ITSN1: variants seen among roughly 807,000 people sequenced by gnomAD.
ITSN1 encodes the protein intersectin-1.
A neutral mutation model predicts 239.8 loss-of-function variants in ITSN1; 58 were observed. The observed-to-expected ratio is 0.24, with a 90% CI of 0.20 to 0.30. The LOEUF is 0.30. ITSN1 is among the 10% of genes least tolerant of loss of function. The pLI, the probability that ITSN1 is intolerant of heterozygous loss-of-function variation, is 1.00. For missense variants in ITSN1, 1,558 were observed against 2,103.3 expected, an observed-to-expected ratio of 0.74 and a Z score of 5.07; for synonymous variants, 780 against 770.8, an observed-to-expected ratio of 1.01 and a Z score of -0.20.
intron 33 of ITSN1, among the ~76,000 whole-genome samples, chr21:33,871,077 G>A (rs1982621606): frequency 6.6e-6 from 1 of 151,906 alleles, no homozygotes; most frequent in African/African-American, 2.4e-5. Flanking sequence ...GTTGCAGTGA[G>A]CCAAGATCAC....
intron 25 of ITSN1, among the ~76,000 whole-genome samples, chr21:33,824,212 A>G (rs2073852487): frequency 6.6e-6 from 1 of 152,316 alleles, no homozygotes; most frequent in Middle Eastern, 3.4e-3. Flanking sequence ...TGTTATCCGT[A>G]TGAATTGGAA....
chr21:33,829,558 A>G (rs1569266842), intron 26 of ITSN1, 66 bp from the exon 27 acceptor site: 1 of 1,576,308 alleles, frequency 6.3e-7, no homozygotes. Context: ...AGGCGCCTGC[A>G]TCTTCTTGGC....
At chr21:33,823,742 G>A in intron 25 of ITSN1, 89 bp downstream of exon 25, 2 of 1,310,210 alleles carry the variant, frequency 1.5e-6, no homozygotes, top group Non-Finnish European at 2.1e-6. Context: ...AACTTTGTTG[G>A]GTTTTGCTAA....
chr21:33,780,856 T>C (rs1169101519), intron 14 of ITSN1, among the ~76,000 whole-genome samples: 1 of 152,242 alleles, frequency 6.6e-6, no homozygotes, highest in African/African-American at 2.4e-5. Context: ...CTGTGCAGTG[T>C]GGCTTAACTT....
chr21:33,715,579 C>A (rs1379517739), intron 1 of ITSN1, among the ~76,000 whole-genome samples: 1 of 152,060 alleles, frequency 6.6e-6, no homozygotes, highest in Non-Finnish European at 1.5e-5. Context: ...ATCAAGGTTG[C>A]CTATACAATA....
At chr21:33,769,532 T>C (rs2068963193) in intron 11 of ITSN1, among the ~76,000 whole-genome samples, 2 of 152,176 alleles carry the variant, frequency 1.3e-5, no homozygotes, top group South Asian at 4.1e-4. Context: ...TTCTGGAGGC[T>C]GGAAGTCCAA....
intron 5 of ITSN1, among the ~76,000 whole-genome samples, chr21:33,740,699 A>G (rs188463714): frequency 6.6e-6 from 1 of 152,312 alleles, no homozygotes; most frequent in East Asian, 1.9e-4. Flanking sequence ...AGATGTATTT[A>G]TTTAGAAAGT....
intron 1 of ITSN1, chr21:33,643,665 G>A (rs2087660184): frequency 6.6e-6 from 1 of 152,028 alleles, no homozygotes; most frequent in African/African-American, 2.4e-5. Context: ...GTTTCCTCTA[G>A]AACTTTGCCA....
chr21:33,717,516 G>A (rs568787091), intron 1 of ITSN1, among the ~76,000 whole-genome samples: 1 of 151,980 alleles, frequency 6.6e-6, no homozygotes, highest in East Asian at 1.9e-4. Context: ...TTTTAACTGT[G>A]CATTTACCCT....
chr21:33,779,082 T>C (rs1476502046), intron 14 of ITSN1, among the ~76,000 whole-genome samples: 1 of 151,934 alleles, frequency 6.6e-6, no homozygotes, highest in Non-Finnish European at 1.5e-5. Flanking sequence ...GTTTGTTTAT[T>C]TTTAAAAAAT....
chr21:33,802,629 G>T (rs562940193), intron 20 of ITSN1, among the ~76,000 whole-genome samples, 185 bp downstream of exon 20: 1 of 152,272 alleles, frequency 6.6e-6, no homozygotes, highest in African/African-American at 2.4e-5. Context: ...CTCAGTTTGT[G>T]TACTGGGTTT....
intron 1 of ITSN1, among the ~76,000 whole-genome samples, chr21:33,688,812 C>CT (rs1006949457): frequency 4.4e-4 from 63 of 142,364 alleles, no homozygotes; most frequent in East Asian, 1.0e-3. Flanking sequence ...TTTTTTTTTT[C>CT]TTTTTTTTTT....
At chr21:33,717,620 A>G (rs948858806) in intron 1 of ITSN1, among the ~76,000 whole-genome samples, 2 of 151,596 alleles carry the variant, frequency 1.3e-5, no homozygotes, top group Admixed American at 6.6e-5. Flanking sequence ...CAGGGGTGCA[A>G]TCTCGGCTCA....
chr21:33,843,761 A>G (rs1166870386), intron 29 of ITSN1, among the ~76,000 whole-genome samples: 1 of 152,152 alleles, frequency 6.6e-6, no homozygotes, highest in Non-Finnish European at 1.5e-5. Context: ...CACGGGTTCA[A>G]ATCCCAGCTC....
At chr21:33,769,486 G>A (rs1186661203) in intron 11 of ITSN1, among the ~76,000 whole-genome samples, 6 of 152,110 alleles carry the variant, frequency 3.9e-5, no homozygotes, top group East Asian at 1.9e-4. Flanking sequence ...AGCATAGACC[G>A]GGCAGCTTGA....
At chr21:33,679,245 T>C (rs2090783496) in intron 1 of ITSN1, among the ~76,000 whole-genome samples, 2 of 152,338 alleles carry the variant, frequency 1.3e-5, no homozygotes, top group Non-Finnish European at 1.5e-5. Context: ...TATATACATA[T>C]ATATGCATAG....
intron 32 of ITSN1, among the ~76,000 whole-genome samples, chr21:33,866,755 C>G (rs1042818876): frequency 3.9e-5 from 6 of 152,196 alleles, no homozygotes; most frequent in Admixed American, 1.3e-4. Flanking sequence ...CTTTCTCAGC[C>G]CTGCCTGGAG....
At position 33,797,384 on chromosome 21, in the gene ITSN1, C is replaced by T. The variant is rs2071645057; in HGVS notation, c.1958C>T (p.Ala653Val). ...TCAAGCGTGTTTGTTGGCAGACGAG[C>T]TCAGGAAAGGGACAAGCAGTGGCTG... ...EKQKEEAQRRAQERDKQWLEH... is the reference protein window; with the variant it reads ...EKQKEEAQRRVQERDKQWLEH... Residue 653 changes from alanine to valine, a missense_variant, in exon 18 of 40, where the codon GCT becomes GTT. Physicochemically the swap from Ala to Val is moderately conservative, Grantham distance 64. This residue lies in a region of ITSN1 where 982 missense variants were observed against 1,209.9 expected (regional missense o/e 0.81). Transcript: ENST00000381318. The surrounding 1 kb of genome is among the most constrained non-coding windows in gnomAD (Gnocchi z 4.9). 1 of 1,613,524 alleles carries T rather than the reference C, an allele frequency of 6.2e-7. No homozygotes were observed. The highest frequency in any genetic ancestry group is 8.5e-7 in the Non-Finnish European group (1 of 1,179,760).
At chr21:33,858,556 G>A (rs1488313372) in intron 30 of ITSN1, 130 bp from the exon 31 acceptor site, 19 of 545,420 alleles carry the variant, frequency 3.5e-5, no homozygotes, top group South Asian at 5.9e-5. Flanking sequence ...GAAAGCAGGC[G>A]TTCACCTCTG....
Sources: allele counts gnomAD v4.1 joint callset (sites outside exome capture counted in the v4.1 genomes callset), GRCh38; gene constraint gnomAD v4.1.1; regional missense constraint gnomAD v4.1.1; non-coding constraint Gnocchi (gnomAD v3.1); transcripts MANE v1.5; gene names NCBI Gene and HGNC (gene_info 2026-07-23, HGNC 2026-07-21).